CDK6: variants seen among roughly 807,000 people sequenced by gnomAD.
CDK6 encodes cyclin-dependent kinase 6.
In CDK6, 6 loss-of-function variants were observed where a neutral mutation model predicts 37.1. The observed-to-expected ratio is 0.16, with a 90% confidence interval of 0.09 to 0.32. The LOEUF (loss-of-function observed/expected upper bound fraction) is 0.32. Among genes scored for constraint, CDK6 ranks in the 10% least tolerant of loss-of-function variants. The pLI is 1.00. For synonymous variants in CDK6, 160 were observed against 161.3 expected (o/e 0.99, Z 0.06); for missense variants, 224 against 418.9 (o/e 0.53, Z 4.06).
chr7:92,693,752 G>T, intron 4 of CDK6, among the ~76,000 whole-genome samples: 1 of 152,138 alleles, frequency 6.6e-6, no homozygotes, highest in East Asian at 1.9e-4. Context: ...TGGTCATATT[G>T]TCAGCTTTGA....
chr7:92,731,421 A>G lies in CDK6; in HGVS notation c.370-5628T>C, dbSNP rs144083913. 9.2e-5 allele frequency among the ~76,000 whole-genome samples: 14 copies of G among 152,366 alleles called. No homozygotes were observed. The East Asian group carries it at 2.5e-3, about 27-fold the overall frequency. On this transcript the variant is annotated intron_variant, in intron 3 of 7. Transcript: ENST00000424848. ...AAAGCAAGCCATTAACTGGCAAGCT[A>G]AAAGAGTCACACATGAGCTTTGTTC...
Position 92,614,710 on chromosome 7 carries a change from CACACACACACACACACACAT to C in CDK6, c.*410_*429del, listed in dbSNP as rs1027352681. 2 of 250,586 alleles carry C rather than the reference CACACACACACACACACACAT, an allele frequency of 8.0e-6. No individual in the cohort carries two copies. The highest frequency in any genetic ancestry group is 4.4e-5 in the African/African-American group (2 of 45,716). 15.5% of individuals were successfully genotyped at this position (250,586 alleles called of 1,614,324 possible). On this transcript the variant is annotated 3_prime_UTR_variant, in exon 8 of 8. Transcript: ENST00000424848. ...AATCTCTCACATACACACACACACA[CACACACACACACACACACAT>C]GCACACACACACTCAAAAGTACCAA...
In CDK6 at chr7:92,725,605, G is replaced by C. The variant is rs1585432049; in HGVS notation, c.537+21C>G. ...AATAGGAAAAATAAGTTTAATAAAA[G>C]GACAGCACTCTCTCACTCACCACTG... On this transcript the variant is annotated intron_variant, in intron 4 of 7. Transcript: ENST00000424848. The C allele has an allele frequency of 1.9e-6, 3 of 1,601,932 alleles. No individual in the cohort carries two copies. The East Asian group carries it at 6.7e-5, about 36-fold the overall frequency.
Position 92,613,284 on chromosome 7 carries a change from T to G in CDK6, c.*1856A>C, listed in dbSNP as rs1203156613. ...CTGCAAAGAATTCAGTACAACTTAATAATGCATAAACATGATCTGAATTAT... is the reference window on the plus strand; with the variant it reads ...CTGCAAAGAATTCAGTACAACTTAAGAATGCATAAACATGATCTGAATTAT... On this transcript the variant is annotated 3_prime_UTR_variant, in exon 8 of 8. Coordinates refer to ENST00000424848, the MANE Select transcript of CDK6 (RefSeq NM_001145306.2). 5 of 233,226 alleles carry G rather than the reference T, an allele frequency of 2.1e-5. No homozygotes were observed. Among genetic ancestry groups the G allele is most frequent in the Non-Finnish European group, 4.2e-5 (5 of 118,058 alleles). 14.4% of individuals were successfully genotyped at this position (233,226 alleles called of 1,614,324 possible).
chr7:92,621,935 G>T (rs1320239404), intron 6 of CDK6, among the ~76,000 whole-genome samples: 3 of 151,592 alleles, frequency 2.0e-5, no homozygotes, highest in African/African-American at 7.3e-5. Context: ...TCAGGTTCCA[G>T]TTTTATTAAC....
chr7:92,612,911 T>C lies in CDK6; in HGVS notation c.*2229A>G, dbSNP rs748211537. On this transcript the variant is annotated 3_prime_UTR_variant, in exon 8 of 8. Coordinates refer to ENST00000424848, the MANE Select transcript of CDK6 (RefSeq NM_001145306.2). ...CAATTTGTAGGCCCTAGCAAAAATG[T>C]CTTTGTATTTTGACCCTCGATCAAA... 1.7e-5 allele frequency: 4 copies of C among 233,008 alleles called. No homozygotes were observed. Among genetic ancestry groups the C allele is most frequent in the Non-Finnish European group, 3.4e-5 (4 of 117,974 alleles). 14.4% of individuals were successfully genotyped at this position (233,008 alleles called of 1,614,324 possible).
chr7:92,766,469 G>A (rs930803080), intron 3 of CDK6, among the ~76,000 whole-genome samples: 2 of 152,198 alleles, frequency 1.3e-5, no homozygotes, highest in African/African-American at 4.8e-5. Flanking sequence ...TGTTTTACAT[G>A]GTTAGCTGAC....
intron 4 of CDK6, among the ~76,000 whole-genome samples, chr7:92,673,290 G>A (rs568183453): frequency 2.3e-4 from 35 of 152,258 alleles, no homozygotes; most frequent in South Asian, 6.2e-4. Context: ...TAAAATGACC[G>A]TTTTAAGTCT....
intron 2 of CDK6, among the ~76,000 whole-genome samples, chr7:92,798,232 G>C (rs1047200768): frequency 2.6e-5 from 4 of 152,158 alleles, no homozygotes; most frequent in Non-Finnish European, 4.4e-5. Flanking sequence ...GTATATTTTA[G>C]TGCATAATAC....
chr7:92,804,255 C>T (rs1800665442), intron 2 of CDK6, among the ~76,000 whole-genome samples: 1 of 152,114 alleles, frequency 6.6e-6, no homozygotes, highest in Non-Finnish European at 1.5e-5. Context: ...CTAACCCATT[C>T]CTTAGGCCTC....
intron 2 of CDK6, among the ~76,000 whole-genome samples, chr7:92,809,345 T>C (rs1800814213): frequency 1.3e-5 from 2 of 152,158 alleles, no homozygotes; most frequent in Non-Finnish European, 2.9e-5. Flanking sequence ...TTGTGGCTGA[T>C]CCTAAATATA....
intron 2 of CDK6, among the ~76,000 whole-genome samples, chr7:92,830,890 G>A (rs1484957786): frequency 6.6e-6 from 1 of 152,126 alleles, no homozygotes; most frequent in Non-Finnish European, 1.5e-5. Context: ...GTTTGAATAT[G>A]ATTTGTTCTA....
chr7:92,630,211 GTCTT>G (rs1796020331), intron 5 of CDK6, among the ~76,000 whole-genome samples: 12 of 151,920 alleles, frequency 7.9e-5, no homozygotes, highest in Admixed American at 7.9e-4. Context: ...AATGTGATTT[GTCTT>G]TCTGTGACTA....
intron 4 of CDK6, chr7:92,725,341 T>C (rs1184508844): frequency 1.0e-6 from 1 of 984,968 alleles, no homozygotes; most frequent in East Asian, 1.1e-4. Context: ...ACAGTGGTTA[T>C]GGCAGAAAGC....
intron 2 of CDK6, among the ~76,000 whole-genome samples, chr7:92,782,715 G>A (rs960704246): frequency 1.3e-5 from 2 of 152,136 alleles, no homozygotes; most frequent in Non-Finnish European, 2.9e-5. Flanking sequence ...CAGTGTGTTT[G>A]ATCTACCCCT....
chr7:92,746,963 T>C (rs1260760997), intron 3 of CDK6, among the ~76,000 whole-genome samples: 1 of 152,146 alleles, frequency 6.6e-6, no homozygotes, highest in Non-Finnish European at 1.5e-5. Flanking sequence ...ATCTTTTTCC[T>C]ATCTTTAAAA....
At chr7:92,725,352 A>G in intron 4 of CDK6, 3 of 983,176 alleles carry the variant, frequency 3.1e-6, no homozygotes, top group Non-Finnish European at 1.2e-6. Context: ...GGCAGAAAGC[A>G]TTTGGAAACT....
rs1172528971 is a variant in CDK6, at chr7:92,607,856, T to C, written c.*7284A>G. The C allele has an allele frequency of 4.3e-6, 1 of 233,334 alleles. No homozygotes were observed. The highest frequency in any genetic ancestry group is 2.2e-5 in the African/African-American group (1 of 45,336). The allele number at this position is 233,334 out of a possible 1,614,324, so 14.5% of individuals were successfully genotyped here. On this transcript the variant is annotated 3_prime_UTR_variant, in exon 8 of 8. Coordinates refer to ENST00000424848, the MANE Select transcript of CDK6 (RefSeq NM_001145306.2). Reference sequence around the variant, plus strand: ...AGTGAGGAACTATGATATACATGTGTATATTTTTGCAAACACAGGATCAGA... The same window carrying C: ...AGTGAGGAACTATGATATACATGTGCATATTTTTGCAAACACAGGATCAGA...
intron 5 of CDK6, among the ~76,000 whole-genome samples, chr7:92,668,995 T>C (rs1797018100): frequency 6.6e-6 from 1 of 152,226 alleles, no homozygotes; most frequent in Admixed American, 6.5e-5. Context: ...ATGTGCACAT[T>C]TGAAGTGCCA....
Sources: allele counts gnomAD v4.1 joint callset (sites outside exome capture counted in the v4.1 genomes callset), GRCh38; gene constraint gnomAD v4.1.1; transcripts MANE v1.5; gene names NCBI Gene and HGNC (gene_info 2026-07-23, HGNC 2026-07-21).